The following FST variants were observed in gnomAD, a reference collection of about 807,000 sequenced individuals.
FST encodes follistatin, also known as activin-binding protein.
Under a neutral mutation model 38.4 loss-of-function variants are expected in FST, and 6 were observed. The observed-to-expected ratio is 0.16, with a 90% CI of 0.09 to 0.31. The LOEUF is 0.31. FST is among the 10% of genes least tolerant of loss of function. The pLI, the probability that FST is intolerant of heterozygous loss-of-function variation, is 1.00. For missense variants in FST, 301 were observed against 432.3 expected, an observed-to-expected ratio of 0.70 and a Z score of 2.69; for synonymous variants, 157 against 169.8, an observed-to-expected ratio of 0.92 and a Z score of 0.59.
At position 53,483,809 on chromosome 5, in the gene FST, G is replaced by A. The variant is rs1456462162; in HGVS notation, c.496+87G>A. 2.1e-6 allele frequency: 2 copies of A among 960,828 alleles called. No individual in the cohort carries two copies. The highest frequency in any genetic ancestry group is 3.2e-6 in the Non-Finnish European group (2 of 616,260). 59.5% of individuals were successfully genotyped at this position (960,828 alleles called of 1,614,324 possible). ...TAGACCCTCTAGAAGACCCTTGGGG[G>A]ATGGTGTAGTCCGCAGTAAGAGCCT... is the stretch of plus-strand genomic sequence containing the variant. On this transcript the variant is annotated intron_variant, in intron 3 of 5. Coordinates refer to ENST00000256759, the MANE Select transcript of FST (RefSeq NM_013409.3). This position sits in a 1 kb window ranked among gnomAD's most constrained non-coding sequence, Gnocchi z 4.1.
chr5:53,481,059 A>G (rs1026332616), intron 1 of FST, among the ~76,000 whole-genome samples, 183 bp downstream of exon 1: 1 of 151,796 alleles, frequency 6.6e-6, no homozygotes, highest in East Asian at 1.9e-4. Context: ...CTGGGAACTG[A>G]GTTTGGAGCT....
Position 53,483,554 on chromosome 5 carries a change from A to C in FST, c.328A>C (p.Lys110Gln). ...CGPGKKCRMNKKNKPRCVCAP... is the reference protein window; with the variant it reads ...CGPGKKCRMNQKNKPRCVCAP... ...ACCTGGGAAAAAATGCCGAATGAACAAGAAGAACAAACCCCGCTGCGTCTG... is the reference window on the plus strand; with the variant it reads ...ACCTGGGAAAAAATGCCGAATGAACCAGAAGAACAAACCCCGCTGCGTCTG... The change falls in exon 3 of 6, where the codon AAG becomes CAG. Residue 110 changes from lysine (K) to glutamine (Q), a missense_variant. Coordinates refer to ENST00000256759, the MANE Select transcript of FST (RefSeq NM_013409.3). This position sits in a 1 kb window ranked among gnomAD's most constrained non-coding sequence, Gnocchi z 4.1. 1 of 1,614,068 alleles carries C rather than the reference A, an allele frequency of 6.2e-7. No homozygotes were observed. Among genetic ancestry groups the C allele is most frequent in the Non-Finnish European group, 8.5e-7 (1 of 1,179,870 alleles).
In FST at chr5:53,483,973, G is replaced by A. The variant is rs1747396174; in HGVS notation, c.497-96G>A. ...CTCCCTAAGTGCCTTTTGAAAGCTG[G>A]ATGCTTCAGTGTCATGATTTCCTTG... is the stretch of plus-strand genomic sequence containing the variant. On this transcript the variant is annotated intron_variant, in intron 3 of 5. Transcript: ENST00000256759. The surrounding 1 kb of genome is among the most constrained non-coding windows in gnomAD (Gnocchi z 4.1). 9.5e-7 allele frequency: 1 copy of A among 1,053,450 alleles called. No individual in the cohort carries two copies. The highest frequency in any genetic ancestry group is 1.5e-5 in the South Asian group (1 of 66,710). The allele number at this position is 1,053,450 out of a possible 1,614,324, so 65.3% of individuals were successfully genotyped here.
intron 4 of FST, 144 bp downstream of exon 4, chr5:53,484,437 C>T (rs1030587902): frequency 6.6e-6 from 5 of 761,286 alleles, no homozygotes; most frequent in Non-Finnish European, 1.0e-5. Flanking sequence ...AGTGTTGTGA[C>T]CACAGTATTC....
At position 53,483,128 on chromosome 5, in the gene FST, C is replaced by A; in HGVS notation, c.277+57C>A. The A allele has an allele frequency of 1.7e-6, 2 of 1,189,972 alleles. No homozygotes were observed. Among genetic ancestry groups the A allele is most frequent in the Non-Finnish European group, 2.5e-6 (2 of 810,840 alleles). The allele number at this position is 1,189,972 out of a possible 1,614,324, so 73.7% of individuals were successfully genotyped here. A position where few individuals can be genotyped will look rare whatever the true frequency, so the allele number is the denominator to read the frequency against. ...TCAGTAGAGGGCGTCTTACCCTTAG[C>A]TTCCCCACTACCTGACTGGGGTTTG... On this transcript the variant is annotated intron_variant, in intron 2 of 5. Transcript: ENST00000256759. The surrounding 1 kb of genome is among the most constrained non-coding windows in gnomAD (Gnocchi z 4.1).
rs780834356 is a variant in FST at position 53,483,079 on chromosome 5, T to TC, written c.277+10dup. The stretch of plus-strand genomic sequence containing the variant: ...ACTGCATCCCCTGTAAAGGTAGGAC[T>TC]CCTTCTTCCCAACTTGCAGGCCCTC... On this transcript the variant is annotated intron_variant, in intron 2 of 5. Coordinates refer to ENST00000256759, the MANE Select transcript of FST (RefSeq NM_013409.3). The surrounding 1 kb of genome is among the most constrained non-coding windows in gnomAD (Gnocchi z 4.1). The TC allele has an allele frequency of 1.9e-6, 3 of 1,599,726 alleles. No individual in the cohort carries two copies. The highest frequency in any genetic ancestry group is 2.6e-6 in the Non-Finnish European group (3 of 1,168,722).
At chr5:53,484,955 T>C (rs773474688) in intron 4 of FST, 42 bp from the exon 5 acceptor site, 2 of 932,284 alleles carry the variant, frequency 2.1e-6, no homozygotes, top group South Asian at 2.6e-5. Context: ...AAGGGGGATA[T>C]GGGGAAATCA....
chr5:53,481,525 G>GT (rs910975818), intron 1 of FST, among the ~76,000 whole-genome samples: 1 of 134,674 alleles, frequency 7.4e-6, no homozygotes, highest in Admixed American at 7.6e-5. Flanking sequence ...GCACTTTACA[G>GT]TTTTTTTCCC....
intron 1 of FST, 112 bp from the exon 2 acceptor site, chr5:53,482,768 G>T (rs1747315926): frequency 1.3e-5 from 7 of 538,750 alleles, no homozygotes; most frequent in South Asian, 5.9e-5. Context: ...CCTCCTCCAC[G>T]CTCACCCCCT....
chr5:53,480,920 G>C (rs749494753), intron 1 of FST, 44 bp downstream of exon 1: 98 of 1,137,628 alleles, frequency 8.6e-5, no homozygotes, highest in Non-Finnish European at 1.2e-4. Context: ...CTGAGGACAG[G>C]GGGGTCGACT....
In FST at chr5:53,482,992, C is replaced by T. The variant is rs1315267384; in HGVS notation, c.198C>T (p.Thr66=). The change falls in exon 2 of 6, where the codon ACC becomes ACT. Residue 66 remains threonine (T), a synonymous_variant. Coordinates refer to ENST00000256759, the MANE Select transcript of FST (RefSeq NM_013409.3). ...CCGGCCGGCTGAGCACCTCGTGGAC[C>T]GAGGAGGACGTGAATGACAACACAC... ...CSTGRLSTSW[T]EEDVNDNTLF... 6.2e-7 allele frequency: 1 copy of T among 1,613,776 alleles called. No homozygotes were observed. Among genetic ancestry groups the T allele is most frequent in the Non-Finnish European group, 8.5e-7 (1 of 1,179,680 alleles).
At chr5:53,481,993 C>T (rs1232221755) in intron 1 of FST, among the ~76,000 whole-genome samples, 1 of 152,256 alleles carries the variant, frequency 6.6e-6, no homozygotes. Flanking sequence ...GGTTGCCCGC[C>T]TTTAGAGGAG....
At chr5:53,481,199 A>G (rs542793015) in intron 1 of FST, among the ~76,000 whole-genome samples, 1 of 151,992 alleles carries the variant, frequency 6.6e-6, no homozygotes, top group Admixed American at 6.5e-5. Flanking sequence ...AACAAGTATC[A>G]GTAGTAGCCT....
chr5:53,481,462 C>CAAAAAAAAAAAAAAA (rs70983342), intron 1 of FST, among the ~76,000 whole-genome samples: 10 of 48,066 alleles, frequency 2.1e-4, no homozygotes, highest in African/African-American at 6.9e-4. Flanking sequence ...CCCATTCTCG[C>CAAAAAAAAAAAAAAA]AAAAAAAAAA....
Position 53,482,915 on chromosome 5 carries a change from C to T in FST, c.121C>T (p.Arg41Cys). The T allele has an allele frequency of 6.2e-7, 1 of 1,611,112 alleles. No homozygotes were observed. The highest frequency in any genetic ancestry group is 8.5e-7 in the Non-Finnish European group (1 of 1,178,068). Residue 41 changes from arginine (R) to cysteine (C), a missense_variant, in exon 2 of 6, where the codon CGC becomes TGC. By Grantham distance (180) the Arg-to-Cys change is radical. Coordinates refer to ENST00000256759, the MANE Select transcript of FST (RefSeq NM_013409.3). ...NCWLRQAKNGRCQVLYKTELS... is the reference protein window; with the variant it reads ...NCWLRQAKNGCCQVLYKTELS... Reference sequence around the variant, plus strand: ...CTGGCTCCGTCAAGCGAAGAACGGCCGCTGCCAGGTCCTGTACAAGACCGA... The same window carrying T: ...CTGGCTCCGTCAAGCGAAGAACGGCTGCTGCCAGGTCCTGTACAAGACCGA...
At chr5:53,482,316 C>A (rs562463108) in intron 1 of FST, among the ~76,000 whole-genome samples, 2 of 141,072 alleles carry the variant, frequency 1.4e-5, no homozygotes, top group Admixed American at 7.1e-5. Flanking sequence ...TCTTTCTTTT[C>A]TTTCTTTCTT....
intron 1 of FST, among the ~76,000 whole-genome samples, chr5:53,481,776 C>T (rs1747228077): frequency 6.6e-6 from 1 of 152,196 alleles, no homozygotes; most frequent in South Asian, 2.1e-4. Context: ...CAAATCCGAA[C>T]ATTAAAAAGG....
rs1244628962 is a variant in FST at position 53,486,612 on chromosome 5, AGG to A, written c.*580_*581del. 6.6e-6 allele frequency: 1 copy of A among 152,288 alleles called. No individual in the cohort carries two copies. The highest frequency in any genetic ancestry group is 6.5e-5 in the Admixed American group (1 of 15,286). The allele number at this position is 152,288 out of a possible 1,614,324, so 9.4% of individuals were successfully genotyped here. A position where few individuals can be genotyped will look rare whatever the true frequency, so the allele number is the denominator to read the frequency against. ...CATGATCCCTCGGGTTTTGTTTACAAGGAACCTTGACTGACCAAAAGGCATTA... is the reference window on the plus strand; with the variant it reads ...CATGATCCCTCGGGTTTTGTTTACAAAACCTTGACTGACCAAAAGGCATTA... On this transcript the variant is annotated 3_prime_UTR_variant, in exon 6 of 6. Transcript: ENST00000256759.
rs1747359944 is a variant in FST at position 53,483,411 on chromosome 5, G to T, written c.278-93G>T. On this transcript the variant is annotated intron_variant, in intron 2 of 5. Coordinates refer to ENST00000256759, the MANE Select transcript of FST (RefSeq NM_013409.3). The surrounding 1 kb of genome is among the most constrained non-coding windows in gnomAD (Gnocchi z 4.1). ...GGGGCCCCTCCAGCGCAAACTCAGG[G>T]CTGCATGATTGCGCAAGGCACCCGA... 2 of 949,976 alleles carry T rather than the reference G, an allele frequency of 2.1e-6. No homozygotes were observed. The highest frequency in any genetic ancestry group is 1.6e-5 in the African/African-American group (1 of 61,588). The allele number at this position is 949,976 out of a possible 1,614,324, so 58.8% of individuals were successfully genotyped here.
Sources: allele counts gnomAD v4.1 joint callset (sites outside exome capture counted in the v4.1 genomes callset), GRCh38; gene constraint gnomAD v4.1.1; non-coding constraint Gnocchi (gnomAD v3.1); transcripts MANE v1.5; gene names NCBI Gene and HGNC (gene_info 2026-07-23, HGNC 2026-07-21).